Variants in XKR6 observed in about 807,000 individuals in gnomAD.
XKR6 encodes the protein XK related 6.
A neutral mutation model predicts 56.7 loss-of-function variants in XKR6; 22 were observed. The ratio of observed to expected loss-of-function variants is 0.39; its 90% confidence interval spans 0.28 to 0.55. The LOEUF is 0.55. XKR6 is among the 20% of genes least tolerant of loss of function. The pLI is 0.66. For missense variants in XKR6, 852 were observed against 889.0 expected, an observed-to-expected ratio of 0.96 and a Z score of 0.53; for synonymous variants, 524 against 387.8, an observed-to-expected ratio of 1.35 and a Z score of -4.13.
intron 1 of XKR6, among the ~76,000 whole-genome samples, chr8:11,082,547 GACTAGGTT>G (rs1381758487): frequency 6.6e-6 from 1 of 152,224 alleles, no homozygotes; most frequent in African/African-American, 2.4e-5. Flanking sequence ...CTGTCCTTCT[GACTAGGTT>G]ACATGCTTCT....
At chr8:11,028,644 A>G (rs1798923233) in intron 1 of XKR6, among the ~76,000 whole-genome samples, 1 of 152,122 alleles carries the variant, frequency 6.6e-6, no homozygotes, top group Non-Finnish European at 1.5e-5. Context: ...CAGCCATCCA[A>G]TCTCACTGGG....
intron 1 of XKR6, among the ~76,000 whole-genome samples, chr8:10,954,574 G>A (rs138130202): frequency 3.3e-5 from 5 of 152,272 alleles, no homozygotes; most frequent in Non-Finnish European, 7.4e-5. Flanking sequence ...TCAAACACAT[G>A]ATTTACACAT....
intron 1 of XKR6, among the ~76,000 whole-genome samples, chr8:10,929,487 G>C (rs1047015888): frequency 6.6e-6 from 1 of 152,178 alleles, no homozygotes; most frequent in African/African-American, 2.4e-5. Flanking sequence ...TCCTGCCCAC[G>C]CACCTCCCAG....
chr8:11,018,403 A>G (rs1453040144), intron 1 of XKR6, among the ~76,000 whole-genome samples: 4 of 152,180 alleles, frequency 2.6e-5, no homozygotes, highest in Non-Finnish European at 5.9e-5. Flanking sequence ...TCCCCTGCAC[A>G]AACTCAGGAA....
intron 1 of XKR6, among the ~76,000 whole-genome samples, chr8:11,119,057 T>G (rs1350717991): frequency 6.6e-6 from 1 of 151,948 alleles, no homozygotes; most frequent in African/African-American, 2.4e-5. Flanking sequence ...TGCCTTCATT[T>G]CATGATGTAC....
chr8:11,082,358 T>G (rs1377375197), intron 1 of XKR6, among the ~76,000 whole-genome samples: 1 of 152,198 alleles, frequency 6.6e-6, no homozygotes, highest in Non-Finnish European at 1.5e-5. Flanking sequence ...TTGGTCAATT[T>G]TGGAAGGGCT....
intron 1 of XKR6, among the ~76,000 whole-genome samples, chr8:10,977,912 T>C (rs1198294342): frequency 2.6e-5 from 4 of 152,096 alleles, no homozygotes; most frequent in Admixed American, 6.6e-5. Flanking sequence ...TCTTGGCAAC[T>C]GGTGGTGATA....
At chr8:10,904,421 G>A (rs966627079) in intron 2 of XKR6, among the ~76,000 whole-genome samples, 5 of 152,214 alleles carry the variant, frequency 3.3e-5, no homozygotes, top group Admixed American at 6.5e-5. Context: ...AGCCAGAAAG[G>A]CAGTCATCAG....
chr8:10,950,605 T>A (rs1801689092), intron 1 of XKR6, among the ~76,000 whole-genome samples: 1 of 152,206 alleles, frequency 6.6e-6, no homozygotes, highest in African/African-American at 2.4e-5. Flanking sequence ...CACAACAGTT[T>A]TAGACTGAAA....
At chr8:11,170,495 G>T (rs1228006789) in intron 1 of XKR6, among the ~76,000 whole-genome samples, 2 of 152,166 alleles carry the variant, frequency 1.3e-5, no homozygotes, top group African/African-American at 4.8e-5. Context: ...TCCAGACTAG[G>T]CAACTCTACA....
chr8:11,059,339 C>A (rs1015630843), intron 1 of XKR6, among the ~76,000 whole-genome samples: 1 of 152,236 alleles, frequency 6.6e-6, no homozygotes, highest in Admixed American at 6.5e-5. Flanking sequence ...GGTATGAGCG[C>A]CCCGGAGACT....
intron 1 of XKR6, among the ~76,000 whole-genome samples, chr8:11,196,085 T>C (rs1803870820): frequency 1.3e-5 from 2 of 152,142 alleles, no homozygotes; most frequent in South Asian, 2.1e-4. Flanking sequence ...TTAATGTGTC[T>C]ATAATGGTAC....
intron 1 of XKR6, among the ~76,000 whole-genome samples, chr8:11,135,217 G>C (rs931221482): frequency 6.6e-6 from 1 of 152,026 alleles, no homozygotes; most frequent in African/African-American, 2.4e-5. Context: ...TTTTAGCAGA[G>C]ATGGGGTTTC....
At chr8:11,157,936 G>A (rs994442307) in intron 1 of XKR6, among the ~76,000 whole-genome samples, 2 of 152,180 alleles carry the variant, frequency 1.3e-5, no homozygotes, top group South Asian at 2.1e-4. Flanking sequence ...AGCGGCATTA[G>A]ATATGTTATA....
At chr8:10,900,752 C>T (rs1448786928) in intron 2 of XKR6, among the ~76,000 whole-genome samples, 1 of 151,920 alleles carries the variant, frequency 6.6e-6, no homozygotes, top group African/African-American at 2.4e-5. Context: ...GTCAGGGAAC[C>T]TTTTAGTGCT....
At chr8:10,984,732 C>CTCTCTCTCTCTCTATA in intron 1 of XKR6, among the ~76,000 whole-genome samples, 5 of 47,486 alleles carry the variant, frequency 1.1e-4, no homozygotes, top group South Asian at 8.7e-4. Context: ...CTCTCTCTCT[C>CTCTCTCTCTCTCTATA]TATATATATA....
At chr8:10,961,833 G>T (rs147924340) in intron 1 of XKR6, among the ~76,000 whole-genome samples, 1 of 152,222 alleles carries the variant, frequency 6.6e-6, no homozygotes, top group Non-Finnish European at 1.5e-5. Flanking sequence ...CGAGGGGAAC[G>T]TTGCCAGGAG....
chr8:11,147,243 C>G (rs1006834156), intron 1 of XKR6, among the ~76,000 whole-genome samples: 6 of 152,202 alleles, frequency 3.9e-5, no homozygotes, highest in African/African-American at 9.6e-5. Context: ...ATAGGTACAG[C>G]TTTTTATGTG....
At chr8:11,198,799 A>G (rs1353816610) in intron 1 of XKR6, among the ~76,000 whole-genome samples, 2 of 152,044 alleles carry the variant, frequency 1.3e-5, no homozygotes, top group East Asian at 1.9e-4. Flanking sequence ...GCAGAAGCCT[A>G]CCAGTACATG....
Sources: allele counts gnomAD v4.1 joint callset (sites outside exome capture counted in the v4.1 genomes callset), GRCh38; gene constraint gnomAD v4.1.1; transcripts MANE v1.5; gene names NCBI Gene and HGNC (gene_info 2026-07-23, HGNC 2026-07-21).